ZDHHC14: variants seen among roughly 807,000 people sequenced by gnomAD.
ZDHHC14 encodes the protein zDHHC palmitoyltransferase 14, also known as palmitoyltransferase ZDHHC14.
In ZDHHC14, 16 loss-of-function variants were observed where a neutral mutation model predicts 47.7. That is an observed-to-expected ratio of 0.34 (90% CI 0.23 to 0.51). ZDHHC14 has a LOEUF of 0.51. ZDHHC14 is among the 20% of genes least tolerant of loss of function. ZDHHC14 has a pLI of 0.97. For missense variants in ZDHHC14, 515 were observed against 662.5 expected (o/e 0.78, Z 2.44); for synonymous variants, 293 against 278.9 (o/e 1.05, Z -0.50).
chr6:157,607,544 C>T (rs905715213), intron 3 of ZDHHC14, among the ~76,000 whole-genome samples: 9 of 152,098 alleles, frequency 5.9e-5, no homozygotes, highest in African/African-American at 2.2e-4. Flanking sequence ...CCTGCCTGGC[C>T]TGGGGTTTTC....
At chr6:157,660,958 G>A (rs1258541862) in intron 8 of ZDHHC14, among the ~76,000 whole-genome samples, 1 of 152,234 alleles carries the variant, frequency 6.6e-6, no homozygotes, top group Non-Finnish European at 1.5e-5. Context: ...GTGACAGACT[G>A]TTGGGGGAGG....
intron 1 of ZDHHC14, among the ~76,000 whole-genome samples, chr6:157,459,892 T>A (rs184447345): frequency 2.0e-3 from 302 of 149,982 alleles, no homozygotes; most frequent in Non-Finnish European, 3.5e-3. Flanking sequence ...CTGGGCAACA[T>A]AGCAAAAGCT....
intron 1 of ZDHHC14, among the ~76,000 whole-genome samples, chr6:157,489,414 C>A (rs1021371701): frequency 6.6e-6 from 1 of 151,414 alleles, no homozygotes; most frequent in African/African-American, 2.4e-5. Context: ...TTTTTTAAAA[C>A]ACCTTTTTAT....
chr6:157,607,086 A>C (rs148782295), intron 3 of ZDHHC14, among the ~76,000 whole-genome samples: 4 of 152,210 alleles, frequency 2.6e-5, no homozygotes, highest in Non-Finnish European at 5.9e-5. Context: ...TGTCGAAATT[A>C]TGTTAGAAAC....
At chr6:157,599,732 A>G (rs372260719) in intron 3 of ZDHHC14, among the ~76,000 whole-genome samples, 1 of 152,270 alleles carries the variant, frequency 6.6e-6, no homozygotes, top group African/African-American at 2.4e-5. Context: ...AACCATAAGA[A>G]AACAATGACT....
At chr6:157,565,592 G>C (rs953189174) in intron 2 of ZDHHC14, among the ~76,000 whole-genome samples, 1 of 152,160 alleles carries the variant, frequency 6.6e-6, no homozygotes, top group Non-Finnish European at 1.5e-5. Flanking sequence ...GCCGAGGCGG[G>C]CGGATCACCT....
chr6:157,458,619 G>C (rs1701482496), intron 1 of ZDHHC14, among the ~76,000 whole-genome samples: 1 of 152,096 alleles, frequency 6.6e-6, no homozygotes, highest in Non-Finnish European at 1.5e-5. Context: ...TGGGGCAGGT[G>C]GGGGCTGTGG....
chr6:157,556,333 C>T (rs1004030206), intron 2 of ZDHHC14, among the ~76,000 whole-genome samples: 1 of 152,196 alleles, frequency 6.6e-6, no homozygotes, highest in African/African-American at 2.4e-5. Context: ...GTGTGTTCCA[C>T]ATGCCCATCA....
intron 1 of ZDHHC14, among the ~76,000 whole-genome samples, chr6:157,542,307 C>G (rs1028276620): frequency 6.6e-6 from 1 of 152,194 alleles, no homozygotes. Flanking sequence ...ACTGATTATA[C>G]AAGCAGGACT....
chr6:157,544,711 C>G (rs1408317993), intron 2 of ZDHHC14, among the ~76,000 whole-genome samples: 3 of 152,084 alleles, frequency 2.0e-5, no homozygotes, highest in African/African-American at 7.2e-5. Flanking sequence ...TTCACACCCT[C>G]TAGGATGGCA....
intron 1 of ZDHHC14, among the ~76,000 whole-genome samples, chr6:157,525,794 G>A (rs904325075): frequency 6.6e-6 from 1 of 152,188 alleles, no homozygotes; most frequent in Non-Finnish European, 1.5e-5. Flanking sequence ...TCCCACTGCT[G>A]CTGGATGCCT....
intron 1 of ZDHHC14, among the ~76,000 whole-genome samples, chr6:157,388,704 C>T (rs887630872): frequency 1.3e-5 from 2 of 152,154 alleles, no homozygotes; most frequent in Admixed American, 6.5e-5. Context: ...GATCTTCTAC[C>T]TCCCCAATTT....
At chr6:157,654,986 C>T (rs528929315) in intron 8 of ZDHHC14, among the ~76,000 whole-genome samples, 4 of 152,234 alleles carry the variant, frequency 2.6e-5, no homozygotes, top group South Asian at 2.1e-4. Flanking sequence ...CCACCTGCCT[C>T]GGCCTCCCAA....
chr6:157,591,246 T>C (rs113334791), intron 2 of ZDHHC14, among the ~76,000 whole-genome samples: 37,599 of 152,096 alleles, frequency 0.25, 4,725 homozygotes, highest in Middle Eastern at 0.36. Context: ...TGTGAGGACA[T>C]GAGATTTGGG....
intron 1 of ZDHHC14, among the ~76,000 whole-genome samples, chr6:157,498,572 T>C (rs1278830884): frequency 6.6e-6 from 1 of 152,176 alleles, no homozygotes; most frequent in Non-Finnish European, 1.5e-5. Context: ...TAGACAGATA[T>C]TATTATCATT....
At chr6:157,633,032 G>A in intron 5 of ZDHHC14, 150 bp downstream of exon 5, 1 of 833,426 alleles carries the variant, frequency 1.2e-6, no homozygotes. Flanking sequence ...GGCACGAGTA[G>A]TAGCTTCTGA....
At chr6:157,573,385 A>C (rs1309520419) in intron 2 of ZDHHC14, among the ~76,000 whole-genome samples, 1 of 152,052 alleles carries the variant, frequency 6.6e-6, no homozygotes, top group Non-Finnish European at 1.5e-5. Context: ...TGTCCTGCTC[A>C]CCTCACGAGG....
chr6:157,538,289 G>A (rs111757067), intron 1 of ZDHHC14, among the ~76,000 whole-genome samples: 3,928 of 152,260 alleles, frequency 0.026, 173 homozygotes, highest in African/African-American at 0.09. Flanking sequence ...TCGGCTCAGC[G>A]AGCTGAGGAA....
chr6:157,428,730 C>T (rs900728985), intron 1 of ZDHHC14, among the ~76,000 whole-genome samples: 25 of 150,704 alleles, frequency 1.7e-4, no homozygotes, highest in Admixed American at 1.6e-3. Context: ...GAAGTCTGAT[C>T]GAGTCAATTA....
Sources: allele counts gnomAD v4.1 joint callset (sites outside exome capture counted in the v4.1 genomes callset), GRCh38; gene constraint gnomAD v4.1.1; transcripts MANE v1.5; gene names NCBI Gene and HGNC (gene_info 2026-07-23, HGNC 2026-07-21).